CNTN5: variants seen among roughly 807,000 people sequenced by gnomAD.
The protein encoded by CNTN5 is contactin-5.
CNTN5 carries 77 observed loss-of-function variants against 129.1 expected under a neutral mutation model. That is an observed-to-expected ratio of 0.60 (90% CI 0.50 to 0.72). The LOEUF (loss-of-function observed/expected upper bound fraction) is 0.72. CNTN5 is among the 30% of genes least tolerant of loss of function. CNTN5 has a pLI of 0.00. For missense variants in CNTN5, 1,478 were observed against 1,328.8 expected (o/e 1.11, Z -1.75); for synonymous variants, 509 against 465.6 (o/e 1.09, Z -1.20).
chr11:99,223,589 G>A (rs564070852), intron 1 of CNTN5, among the ~76,000 whole-genome samples: 3 of 152,188 alleles, frequency 2.0e-5, no homozygotes, highest in East Asian at 1.9e-4. Flanking sequence ...AAAAGTTAAC[G>A]TTATCTTAAG....
chr11:99,219,389 A>C (rs1860287778), intron 1 of CNTN5, among the ~76,000 whole-genome samples: 1 of 151,948 alleles, frequency 6.6e-6, no homozygotes, highest in Non-Finnish European at 1.5e-5. Flanking sequence ...AGACTTCTCA[A>C]GCAGATAATT....
intron 9 of CNTN5, among the ~76,000 whole-genome samples, chr11:100,051,001 A>G (rs1942923488): frequency 6.6e-6 from 1 of 152,176 alleles, no homozygotes; most frequent in South Asian, 2.1e-4. Context: ...GGAGATTTTA[A>G]CACTCTTCTC....
chr11:99,038,160 T>C (rs996732086), intron 1 of CNTN5, among the ~76,000 whole-genome samples: 2 of 152,142 alleles, frequency 1.3e-5, no homozygotes, highest in Non-Finnish European at 2.9e-5. Context: ...ATAGGTTCAT[T>C]TCTGGTCCTT....
intron 2 of CNTN5, among the ~76,000 whole-genome samples, chr11:99,390,756 C>A (rs764228897): frequency 3.9e-5 from 6 of 152,044 alleles, no homozygotes; most frequent in Non-Finnish European, 7.4e-5. Context: ...TAAGATGTTT[C>A]TGAAGTCATC....
intron 13 of CNTN5, among the ~76,000 whole-genome samples, chr11:100,076,730 T>A (rs1041293030): frequency 2.0e-5 from 3 of 152,058 alleles, no homozygotes; most frequent in African/African-American, 7.2e-5. Context: ...CTTAGCATTC[T>A]GCCTACCTTG....
At chr11:99,453,462 G>A (rs1944384611) in intron 2 of CNTN5, among the ~76,000 whole-genome samples, 1 of 152,180 alleles carries the variant, frequency 6.6e-6, no homozygotes, top group Non-Finnish European at 1.5e-5. Flanking sequence ...GGGAATGGAA[G>A]AGTGAATCAT....
intron 7 of CNTN5, among the ~76,000 whole-genome samples, chr11:99,919,262 G>T (rs957960375): frequency 1.3e-5 from 2 of 151,266 alleles, no homozygotes; most frequent in Non-Finnish European, 3.0e-5. Context: ...CTTGTGTGGC[G>T]CTGTAGTTCA....
chr11:99,235,783 T>G (rs1451775204), intron 1 of CNTN5, among the ~76,000 whole-genome samples: 1 of 152,208 alleles, frequency 6.6e-6, no homozygotes, highest in African/African-American at 2.4e-5. Flanking sequence ...TGAGGAATAC[T>G]TAACTGACAG....
rs971075957 is a variant in CNTN5, at chr11:99,744,506, T to C, written c.56-75038T>C. Among the ~76,000 whole-genome samples the C allele has an allele frequency of 5.7e-5, 7 of 123,004 alleles. No individual in the cohort carries two copies. In the Admixed American group the frequency reaches 7.0e-4, roughly 12 times the overall value. The allele number at this position is 123,004 out of a possible 152,430, so 80.7% of individuals were successfully genotyped here. A position where few individuals can be genotyped will look rare whatever the true frequency, so the allele number is the denominator to read the frequency against. The stretch of plus-strand genomic sequence containing the variant: ...CTTGAGCCCAGGAGTTAGCGACCGA[T>C]TGGGCAACATAGCAAAACCCCGTCT... On this transcript the variant is annotated intron_variant, in intron 3 of 24. Transcript: ENST00000524871.
intron 2 of CNTN5, among the ~76,000 whole-genome samples, chr11:99,379,197 G>T (rs111359107): frequency 0.028 from 3,327 of 120,352 alleles, 55 homozygotes; most frequent in Non-Finnish European, 0.043. Context: ...TTTTTTTACT[G>T]TTGTATCACC....
chr11:99,364,015 C>G (rs1939291497), intron 2 of CNTN5, among the ~76,000 whole-genome samples: 1 of 152,004 alleles, frequency 6.6e-6, no homozygotes, highest in Non-Finnish European at 1.5e-5. Context: ...GCTCATTTTA[C>G]TCACTGAAAA....
Position 99,819,617 on chromosome 11 carries a change from A to C in CNTN5, c.129A>C (p.Ser43=), listed in dbSNP as rs770692990. ...ALLRIKKSSS[S]SLFGSKTRPR... is the part of the protein sequence containing the mutation. ...TAAGAATTAAGAAGAGTTCATCTTCATCTCTCTTTGGTTCCAAAACCAGAC... is the reference window on the plus strand; with the variant it reads ...TAAGAATTAAGAAGAGTTCATCTTCCTCTCTCTTTGGTTCCAAAACCAGAC... The change falls in exon 4 of 25, where the codon TCA becomes TCC. Residue 43 remains serine, a synonymous_variant. Coordinates refer to ENST00000524871, the MANE Select transcript of CNTN5 (RefSeq NM_014361.4). 6.2e-7 allele frequency: 1 copy of C among 1,613,042 alleles called. No homozygotes were observed. Among genetic ancestry groups the C allele is most frequent in the African/African-American group, 1.3e-5 (1 of 75,084 alleles).
intron 3 of CNTN5, among the ~76,000 whole-genome samples, chr11:99,747,970 CAT>C (rs1337372859): frequency 6.6e-6 from 1 of 152,136 alleles, no homozygotes; most frequent in African/African-American, 2.4e-5. Flanking sequence ...GATACTATCA[CAT>C]GATTTTTATT....
chr11:99,904,492 T>G (rs1949443874), intron 6 of CNTN5, among the ~76,000 whole-genome samples: 1 of 148,672 alleles, frequency 6.7e-6, no homozygotes, highest in African/African-American at 2.4e-5. Context: ...TACGGCTGCA[T>G]AGTATTCCAT....
At chr11:99,392,605 G>A (rs762068607) in intron 2 of CNTN5, among the ~76,000 whole-genome samples, 1 of 151,726 alleles carries the variant, frequency 6.6e-6, no homozygotes, top group Non-Finnish European at 1.5e-5. Flanking sequence ...CCAAGACATC[G>A]AATAAAACCT....
intron 21 of CNTN5, among the ~76,000 whole-genome samples, chr11:100,334,095 C>T (rs569729217): frequency 2.6e-5 from 4 of 152,090 alleles, no homozygotes; most frequent in South Asian, 2.1e-4. Context: ...AGAAAATAAA[C>T]GATCCCATCA....
chr11:99,166,270 C>T (rs2135527394), intron 1 of CNTN5, among the ~76,000 whole-genome samples: 1 of 152,018 alleles, frequency 6.6e-6, no homozygotes, highest in South Asian at 2.1e-4. Flanking sequence ...GGCATGGTGG[C>T]ACGCACCTGT....
At chr11:99,730,496 A>C (rs972927439) in intron 3 of CNTN5, among the ~76,000 whole-genome samples, 1 of 152,234 alleles carries the variant, frequency 6.6e-6, no homozygotes, top group African/African-American at 2.4e-5. Flanking sequence ...CCGGTTATCT[A>C]CTATTAGACA....
intron 1 of CNTN5, among the ~76,000 whole-genome samples, chr11:99,223,036 A>G (rs1233602959): frequency 1.3e-5 from 2 of 152,036 alleles, no homozygotes; most frequent in African/African-American, 4.8e-5. Flanking sequence ...TCTTTTCCAA[A>G]TGAGAGAGGA....
Sources: allele counts gnomAD v4.1 joint callset (sites outside exome capture counted in the v4.1 genomes callset), GRCh38; gene constraint gnomAD v4.1.1; transcripts MANE v1.5; gene names NCBI Gene and HGNC (gene_info 2026-07-23, HGNC 2026-07-21).